HACD3: variants seen among roughly 807,000 people sequenced by gnomAD.
The protein encoded by HACD3 is 3-hydroxyacyl-CoA dehydratase 3, also known as very-long-chain (3R)-3-hydroxyacyl-CoA dehydratase 3.
Under a neutral mutation model 55.2 loss-of-function variants are expected in HACD3, and 30 were observed. The ratio of observed to expected loss-of-function variants is 0.54; its 90% CI spans 0.41 to 0.74. The LOEUF (loss-of-function observed/expected upper bound fraction) is 0.74, where lower values mean the gene tolerates loss of function less well. Among genes scored for constraint, HACD3 ranks in the 30% least tolerant of loss-of-function variants. The probability of loss-of-function intolerance (pLI) is 0.00; values close to 1 mark genes in which losing one functional copy is unlikely to be tolerated. For missense variants in HACD3, 363 were observed against 440.1 expected (o/e 0.82, Z 1.57); for synonymous variants, 141 against 151.7 (o/e 0.93, Z 0.52).
intron 1 of HACD3, among the ~76,000 whole-genome samples, chr15:65,536,365 G>A (rs2071955291): frequency 6.6e-6 from 1 of 152,132 alleles, no homozygotes; most frequent in Non-Finnish European, 1.5e-5. Flanking sequence ...ATCGATAAAT[G>A]TATGTGTTCT....
intron 1 of HACD3, among the ~76,000 whole-genome samples, chr15:65,544,358 G>C (rs539723861): frequency 6.6e-6 from 1 of 152,242 alleles, no homozygotes; most frequent in South Asian, 2.1e-4. Flanking sequence ...AAATTGGATA[G>C]AACTTAACAC....
rs2072400215 is a variant in HACD3, at chr15:65,576,294, C to A, written c.1013-9C>A. The A allele has an allele frequency of 1.9e-6, 3 of 1,585,132 alleles. No homozygotes were observed. Among genetic ancestry groups the A allele is most frequent in the East Asian group, 2.3e-5 (1 of 44,360 alleles). On this transcript the variant is annotated splice_polypyrimidine_tract_variant and intron_variant, in intron 10 of 10. Transcript: ENST00000261875. ...CTCTAATTTCTAATTGACCTCTTTT[C>A]TTTTTCAGGTTTATACATAAATTTT...
Position 65,530,478 on chromosome 15 carries a change from C to T in HACD3, c.-154C>T. 1.8e-6 allele frequency: 1 copy of T among 569,352 alleles called. No individual in the cohort carries two copies. Among genetic ancestry groups the T allele is most frequent in the Admixed American group, 4.4e-5 (1 of 22,890 alleles). 35.3% of individuals were successfully genotyped at this position (569,352 alleles called of 1,614,324 possible). A position where few individuals can be genotyped will look rare whatever the true frequency, so the allele number is the denominator to read the frequency against. On this transcript the variant is annotated 5_prime_UTR_variant, in exon 1 of 11. Transcript: ENST00000261875. ...ATCCCGGCGCGTCACTGCGCAGGCG[C>T]GGCCCGCGAGCGTGGGGTATCTCGA...
At chr15:65,559,234 A>G (rs1259043659) in intron 5 of HACD3, among the ~76,000 whole-genome samples, 1 of 152,132 alleles carries the variant, frequency 6.6e-6, no homozygotes, top group African/African-American at 2.4e-5. Context: ...GAAGCTCTGT[A>G]AGTGTATTAT....
chr15:65,538,792 C>T (rs2071989295), intron 1 of HACD3, among the ~76,000 whole-genome samples: 1 of 152,154 alleles, frequency 6.6e-6, no homozygotes, highest in Admixed American at 6.5e-5. Context: ...TTGCCACAGC[C>T]ACTCCAGCCT....
intron 7 of HACD3, among the ~76,000 whole-genome samples, chr15:65,567,921 A>G (rs751968583): frequency 1.3e-4 from 20 of 150,434 alleles, no homozygotes; most frequent in Non-Finnish European, 2.8e-4. Flanking sequence ...AATGGGTCAT[A>G]GTTTCTTTCT....
intron 8 of HACD3, 78 bp from the exon 9 acceptor site, chr15:65,571,470 T>A: frequency 9.7e-7 from 1 of 1,025,948 alleles, no homozygotes; most frequent in Non-Finnish European, 1.5e-6. Context: ...AATAGAATTC[T>A]TCTATTTAAA....
At chr15:65,535,892 G>T in intron 1 of HACD3, 1 of 528,148 alleles carries the variant, frequency 1.9e-6, no homozygotes, top group Non-Finnish European at 3.4e-6. Context: ...GTCTCATTAT[G>T]TTGGCCAGGC....
intron 6 of HACD3, among the ~76,000 whole-genome samples, chr15:65,563,370 C>T (rs1232102769): frequency 6.6e-6 from 1 of 152,056 alleles, no homozygotes; most frequent in African/African-American, 2.4e-5. Flanking sequence ...TGGCTTTGAC[C>T]AGTGGCATTC....
intron 1 of HACD3, among the ~76,000 whole-genome samples, chr15:65,543,678 A>G (rs1470349614): frequency 6.6e-6 from 1 of 152,188 alleles, no homozygotes; most frequent in Non-Finnish European, 1.5e-5. Context: ...ATTTCCAACC[A>G]AAGAAACTAT....
chr15:65,569,247 C>CA (rs71447850), intron 7 of HACD3, among the ~76,000 whole-genome samples: 22,420 of 125,086 alleles, frequency 0.18, 3,421 homozygotes, highest in African/African-American at 0.42. Flanking sequence ...GACTCTGTCT[C>CA]AAAAAAAAAA....
At chr15:65,535,807 T>C in intron 1 of HACD3, 1 of 646,548 alleles carries the variant, frequency 1.5e-6, no homozygotes, top group South Asian at 1.7e-5. Context: ...GCAGTCCTCC[T>C]GGCTCAGCCT....
chr15:65,552,536 A>G (rs2072144330), intron 2 of HACD3, among the ~76,000 whole-genome samples: 1 of 151,968 alleles, frequency 6.6e-6, no homozygotes, highest in South Asian at 2.1e-4. Context: ...GGGTTTCACT[A>G]TGTTGTCCAG....
At chr15:65,530,991 C>G (rs1001518273) in intron 1 of HACD3, among the ~76,000 whole-genome samples, 3 of 152,238 alleles carry the variant, frequency 2.0e-5, no homozygotes, top group African/African-American at 7.2e-5. Flanking sequence ...CTTCTTTGTT[C>G]GCAGTCGGCG....
At chr15:65,560,824 G>A (rs558209843) in intron 5 of HACD3, among the ~76,000 whole-genome samples, 20 of 149,340 alleles carry the variant, frequency 1.3e-4, no homozygotes, top group African/African-American at 3.4e-4. Flanking sequence ...AAAAAAGCCC[G>A]GATTAGATAC....
chr15:65,554,643 C>T (rs561413060), intron 2 of HACD3, among the ~76,000 whole-genome samples: 5 of 152,120 alleles, frequency 3.3e-5, no homozygotes, highest in South Asian at 4.2e-4. Context: ...GGCATGGTGG[C>T]GGGAGCCTGT....
At chr15:65,549,024 G>A (rs375251741) in intron 1 of HACD3, among the ~76,000 whole-genome samples, 21 of 152,192 alleles carry the variant, frequency 1.4e-4, no homozygotes, top group African/African-American at 5.1e-4. Flanking sequence ...ACCGGGCCTG[G>A]CTGTTCACTC....
intron 1 of HACD3, 68 bp downstream of exon 1, chr15:65,530,786 C>G: frequency 7.2e-7 from 1 of 1,390,944 alleles, no homozygotes; most frequent in Non-Finnish European, 9.7e-7. Context: ...AGGACCCCTG[C>G]CCCCTTTGTC....
rs574673401 is a variant in HACD3, at chr15:65,534,995, G to T, written c.87+4277G>T. On this transcript the variant is annotated intron_variant, in intron 1 of 10. Transcript: ENST00000261875. ...GAAAAGTTAAGGTATGACAAGAGGCGCTCTTACAAATTAATGAGGAGAGAA... is the reference window on the plus strand; with the variant it reads ...GAAAAGTTAAGGTATGACAAGAGGCTCTCTTACAAATTAATGAGGAGAGAA... 2.6e-5 allele frequency among the ~76,000 whole-genome samples: 4 copies of T among 152,258 alleles called. No individual in the cohort carries two copies. The East Asian group carries it at 7.7e-4, about 29-fold the overall frequency.
Sources: allele counts gnomAD v4.1 joint callset (sites outside exome capture counted in the v4.1 genomes callset), GRCh38; gene constraint gnomAD v4.1.1; transcripts MANE v1.5; gene names NCBI Gene and HGNC (gene_info 2026-07-23, HGNC 2026-07-21).